REEP1: variants seen among roughly 807,000 people sequenced by gnomAD.
REEP1 encodes the protein receptor expression-enhancing protein 1.
Under a neutral mutation model 40.3 loss-of-function variants are expected in REEP1, and 22 were observed. That is an observed-to-expected ratio of 0.55 (90% CI 0.39 to 0.78). REEP1 has a LOEUF of 0.78. Among genes scored for constraint, REEP1 ranks in the 30% least tolerant of loss-of-function variants. REEP1 has a pLI of 0.00. For missense variants in REEP1, 280 were observed against 361.1 expected (o/e 0.78, Z 1.82); for synonymous variants, 116 against 139.2 (o/e 0.83, Z 1.17).
chr2:86,309,599 G>A (rs139674990), intron 1 of REEP1, among the ~76,000 whole-genome samples: 143 of 152,288 alleles, frequency 9.4e-4, no homozygotes, highest in African/African-American at 3.4e-3. Flanking sequence ...GAAGCTGGAG[G>A]TCTGTGATCG....
At chr2:86,309,033 A>G (rs1679633277) in intron 1 of REEP1, among the ~76,000 whole-genome samples, 1 of 152,192 alleles carries the variant, frequency 6.6e-6, no homozygotes, top group Admixed American at 6.5e-5. Context: ...TGTTTAATAT[A>G]GGTGCTGCCT....
chr2:86,320,364 C>T (rs1427273985), intron 1 of REEP1, among the ~76,000 whole-genome samples: 1 of 152,128 alleles, frequency 6.6e-6, no homozygotes, highest in Non-Finnish European at 1.5e-5. Context: ...GACACCTAAC[C>T]GAAGCAAATG....
At chr2:86,233,816 C>T (rs538212232) in intron 5 of REEP1, among the ~76,000 whole-genome samples, 231 of 152,170 alleles carry the variant, frequency 1.5e-3, no homozygotes, top group Non-Finnish European at 2.7e-3. Flanking sequence ...AGGGTTCCCT[C>T]GGGTGCATGG....
intron 2 of REEP1, among the ~76,000 whole-genome samples, chr2:86,269,783 A>G (rs1000024017): frequency 6.6e-5 from 10 of 152,144 alleles, no homozygotes; most frequent in African/African-American, 2.4e-4. Flanking sequence ...GAGAACAAGG[A>G]GACTGGGAGA....
At chr2:86,224,908 G>A (rs1004228320) in intron 7 of REEP1, among the ~76,000 whole-genome samples, 1 of 152,198 alleles carries the variant, frequency 6.6e-6, no homozygotes, top group African/African-American at 2.4e-5. Context: ...GGGGAAGAAT[G>A]GAGGACAGGG....
chr2:86,303,434 G>C lies in REEP1; in HGVS notation c.33-21192C>G, dbSNP rs1679348946. On this transcript the variant is annotated intron_variant, in intron 1 of 8. Transcript: ENST00000538924. ...GGGTTTCACCATGTTGGCCAAGCTG[G>C]TCTCAAATTCCTGGCCTCAAGTGAT... Among the ~76,000 whole-genome samples the C allele has an allele frequency of 3.9e-5, 6 of 151,940 alleles. No individual in the cohort carries two copies. The South Asian group carries it at 1.2e-3, about 32-fold the overall frequency.
intron 1 of REEP1, among the ~76,000 whole-genome samples, chr2:86,297,501 T>A (rs1193188860): frequency 6.6e-6 from 1 of 152,230 alleles, no homozygotes; most frequent in Non-Finnish European, 1.5e-5. Context: ...CTGGAAGGGC[T>A]GACATAGGAG....
intron 1 of REEP1, among the ~76,000 whole-genome samples, chr2:86,312,536 T>C (rs1321438207): frequency 1.3e-5 from 2 of 152,158 alleles, no homozygotes; most frequent in South Asian, 2.1e-4. Context: ...ACGGCTCTAA[T>C]ATGTAATGTT....
intron 1 of REEP1, among the ~76,000 whole-genome samples, chr2:86,301,961 C>A (rs4832274): frequency 4.6e-5 from 7 of 152,072 alleles, no homozygotes; most frequent in South Asian, 2.1e-4. Context: ...GACCTCCCCC[C>A]ACCATGACAG....
intron 1 of REEP1, among the ~76,000 whole-genome samples, chr2:86,285,864 A>C (rs916560008): frequency 1.3e-5 from 2 of 152,156 alleles, no homozygotes; most frequent in Admixed American, 1.3e-4. Context: ...AAATGTGGTA[A>C]GATAAGAGGG....
intron 3 of REEP1, among the ~76,000 whole-genome samples, chr2:86,259,300 T>A (rs190052008): frequency 6.6e-6 from 1 of 152,048 alleles, no homozygotes; most frequent in East Asian, 1.9e-4. Context: ...GGAGGGAGAC[T>A]GTGGGTCTGG....
intron 1 of REEP1, among the ~76,000 whole-genome samples, chr2:86,330,125 A>T (rs769442753): frequency 6.6e-6 from 1 of 152,212 alleles, no homozygotes; most frequent in Non-Finnish European, 1.5e-5. Flanking sequence ...TAAAGGGACT[A>T]AAAGGGAAGT....
At chr2:86,326,016 GTGAGA>G (rs916008667) in intron 1 of REEP1, among the ~76,000 whole-genome samples, 2 of 152,206 alleles carry the variant, frequency 1.3e-5, no homozygotes, top group Non-Finnish European at 2.9e-5. Context: ...TCCTTCATAT[GTGAGA>G]TGTACCACTT....
chr2:86,313,743 A>T (rs1679868269), intron 1 of REEP1, among the ~76,000 whole-genome samples: 1 of 152,168 alleles, frequency 6.6e-6, no homozygotes, highest in Admixed American at 6.5e-5. Context: ...GTGAGATGAG[A>T]CATGGTCACC....
chr2:86,313,295 C>CTTTTTTT (rs201047415), intron 1 of REEP1, among the ~76,000 whole-genome samples: 1 of 135,118 alleles, frequency 7.4e-6, no homozygotes, highest in Admixed American at 7.2e-5. Context: ...TTTTTCTTTT[C>CTTTTTTT]TTTTCTTTTT....
intron 1 of REEP1, among the ~76,000 whole-genome samples, chr2:86,285,081 A>G (rs1678316627): frequency 6.6e-6 from 1 of 152,226 alleles, no homozygotes; most frequent in Non-Finnish European, 1.5e-5. Flanking sequence ...AAGTACCCCT[A>G]CACGGCCCTT....
intron 5 of REEP1, among the ~76,000 whole-genome samples, chr2:86,239,087 C>A (rs1675525028): frequency 6.6e-6 from 1 of 151,776 alleles, no homozygotes; most frequent in Admixed American, 6.6e-5. Context: ...ACATGCATTA[C>A]CTTTAAAAAA....
At chr2:86,287,132 A>G (rs1678438089) in intron 1 of REEP1, among the ~76,000 whole-genome samples, 1 of 152,188 alleles carries the variant, frequency 6.6e-6, no homozygotes, top group Non-Finnish European at 1.5e-5. Flanking sequence ...TCTGTCACCC[A>G]GGCTAGGGTG....
chr2:86,315,239 C>T (rs760607011), intron 1 of REEP1, among the ~76,000 whole-genome samples: 10 of 152,166 alleles, frequency 6.6e-5, no homozygotes, highest in Non-Finnish European at 1.5e-4. Context: ...AGCACAGTCC[C>T]GTAGCCAAGG....
Sources: allele counts gnomAD v4.1 joint callset (sites outside exome capture counted in the v4.1 genomes callset), GRCh38; gene constraint gnomAD v4.1.1; transcripts MANE v1.5; gene names NCBI Gene and HGNC (gene_info 2026-07-23, HGNC 2026-07-21).